The following ARHGEF3 variants were observed in gnomAD, a reference collection of about 807,000 sequenced individuals.
ARHGEF3 encodes 59.8 kDA protein.
ARHGEF3 carries 28 observed loss-of-function variants against 63.2 expected under a neutral mutation model. The observed-to-expected ratio is 0.44, with a 90% CI of 0.33 to 0.61. The LOEUF (loss-of-function observed/expected upper bound fraction) is 0.61. Ranked by LOEUF, ARHGEF3 falls within the 20% of genes least tolerant of loss-of-function variation. The pLI, the probability that ARHGEF3 is intolerant of heterozygous loss-of-function variation, is 0.03. For synonymous variants in ARHGEF3, 266 were observed against 254.2 expected (o/e 1.05, Z -0.44); for missense variants, 533 against 659.3 (o/e 0.81, Z 2.10).
chr3:56,763,109 A>G (rs1156292589), intron 2 of ARHGEF3, among the ~76,000 whole-genome samples: 2 of 152,196 alleles, frequency 1.3e-5, no homozygotes, highest in East Asian at 3.8e-4. Flanking sequence ...GCATGGCTTC[A>G]AGTTGATTCA....
At chr3:57,017,529 T>G (rs1703071417) in intron 2 of ARHGEF3, among the ~76,000 whole-genome samples, 1 of 152,232 alleles carries the variant, frequency 6.6e-6, no homozygotes, top group African/African-American at 2.4e-5. Context: ...ACTTTTTGTT[T>G]TCTCACATCC....
At chr3:56,874,368 C>T (rs1470836719) in intron 4 of ARHGEF3, among the ~76,000 whole-genome samples, 1 of 152,172 alleles carries the variant, frequency 6.6e-6, no homozygotes, top group Non-Finnish European at 1.5e-5. Context: ...TCATCAAGGC[C>T]CCATGCTGGC....
chr3:56,873,285 T>A (rs1166663897), intron 4 of ARHGEF3, among the ~76,000 whole-genome samples: 1 of 151,704 alleles, frequency 6.6e-6, no homozygotes, highest in Non-Finnish European at 1.5e-5. Context: ...TAGGTAAACA[T>A]GTGTCATGGG....
intron 2 of ARHGEF3, among the ~76,000 whole-genome samples, chr3:56,967,661 T>C (rs1439364740): frequency 1.2e-5 from 1 of 82,228 alleles, no homozygotes; most frequent in East Asian, 4.1e-4. Context: ...AAAATAGCTA[T>C]TATATATAAT....
At chr3:56,979,830 T>A (rs1366387254) in intron 2 of ARHGEF3, among the ~76,000 whole-genome samples, 3 of 152,180 alleles carry the variant, frequency 2.0e-5, no homozygotes, top group African/African-American at 7.2e-5. Context: ...GTTATGAGAG[T>A]TAAAGGACTC....
At chr3:56,992,836 A>AT (rs1162851993) in intron 2 of ARHGEF3, among the ~76,000 whole-genome samples, 10 of 151,954 alleles carry the variant, frequency 6.6e-5, no homozygotes, top group African/African-American at 2.2e-4. Flanking sequence ...TTTTTATTTT[A>AT]TTTTTTATTT....
At chr3:57,032,744 G>C (rs1378230048) in intron 2 of ARHGEF3, among the ~76,000 whole-genome samples, 1 of 152,182 alleles carries the variant, frequency 6.6e-6, no homozygotes, top group South Asian at 2.1e-4. Flanking sequence ...TATAAAAGTA[G>C]GGAAATCCAG....
intron 2 of ARHGEF3, among the ~76,000 whole-genome samples, chr3:56,767,300 C>G (rs183766259): frequency 6.6e-6 from 1 of 151,600 alleles, no homozygotes; most frequent in Non-Finnish European, 1.5e-5. Flanking sequence ...AATGCACATG[C>G]GGCCGGGCGC....
chr3:56,957,851 G>C (rs569373654), intron 3 of ARHGEF3, among the ~76,000 whole-genome samples: 2 of 152,186 alleles, frequency 1.3e-5, no homozygotes, highest in African/African-American at 4.8e-5. Context: ...CTCTACAGAT[G>C]CAAGTTTTGC....
intron 3 of ARHGEF3, among the ~76,000 whole-genome samples, chr3:56,955,889 C>T (rs13079459): frequency 0.1 from 15,626 of 152,298 alleles, 1,111 homozygotes; most frequent in Non-Finnish European, 0.15. Context: ...CCGACCATGT[C>T]ACTGTGGATT....
chr3:56,952,157 T>G (rs776170502), intron 3 of ARHGEF3, among the ~76,000 whole-genome samples: 93 of 152,160 alleles, frequency 6.1e-4, no homozygotes, highest in Admixed American at 1.6e-3. Context: ...TTTAGTCTGA[T>G]GAGCCCTTAA....
chr3:56,934,044 G>A (rs2108399928), intron 3 of ARHGEF3, among the ~76,000 whole-genome samples: 1 of 152,272 alleles, frequency 6.6e-6, no homozygotes, highest in African/African-American at 2.4e-5. Flanking sequence ...TATGTTTCCT[G>A]AGGCCTCCCC....
At chr3:56,813,405 A>C (rs80085462) in intron 4 of ARHGEF3, among the ~76,000 whole-genome samples, 2 of 152,180 alleles carry the variant, frequency 1.3e-5, no homozygotes, top group African/African-American at 4.8e-5. Flanking sequence ...GAATGTTTTG[A>C]AAGGGAAAAA....
chr3:56,896,713 T>C (rs530204282), intron 3 of ARHGEF3, among the ~76,000 whole-genome samples: 1 of 152,312 alleles, frequency 6.6e-6, no homozygotes, highest in African/African-American at 2.4e-5. Flanking sequence ...TACTAGATGT[T>C]TTTTCATGAT....
intron 2 of ARHGEF3, chr3:56,960,608 C>G (rs1300182307): frequency 6.6e-6 from 1 of 152,174 alleles, no homozygotes; most frequent in African/African-American, 2.4e-5. Flanking sequence ...ACCCAGGATG[C>G]AGGGCTGACA....
At chr3:56,732,566 G>T in intron 8 of ARHGEF3, 142 bp from the exon 9 acceptor site, 1 of 971,768 alleles carries the variant, frequency 1.0e-6, no homozygotes, top group Non-Finnish European at 1.5e-6. Context: ...ACCTCCAGGA[G>T]AACCAAAGTT....
chr3:57,030,376 T>C (rs1253106191), intron 2 of ARHGEF3, among the ~76,000 whole-genome samples: 2 of 152,114 alleles, frequency 1.3e-5, no homozygotes, highest in African/African-American at 4.8e-5. Context: ...AAAAGAGACA[T>C]ATATGTATAT....
intron 7 of ARHGEF3, among the ~76,000 whole-genome samples, chr3:56,740,860 A>T (rs2033970182): frequency 2.0e-5 from 3 of 152,244 alleles, no homozygotes; most frequent in African/African-American, 7.2e-5. Context: ...AGGAAACCAG[A>T]AAGAAGATGC....
intron 4 of ARHGEF3, among the ~76,000 whole-genome samples, chr3:56,878,883 A>C (rs2040679049): frequency 6.6e-6 from 1 of 152,068 alleles, no homozygotes; most frequent in South Asian, 2.1e-4. Flanking sequence ...ATTTATAGCC[A>C]CTCTCCATCT....
Sources: gnomAD v4.1 joint callset for allele counts (sites outside exome capture counted in the v4.1 genomes callset) on GRCh38, gnomAD v4.1.1 for gene constraint, MANE v1.5 for transcripts, NCBI Gene and HGNC (gene_info 2026-07-23, HGNC 2026-07-21) for gene names.